BAIAP2L1: variants seen among roughly 807,000 people sequenced by gnomAD.
The protein encoded by BAIAP2L1 is BAR/IMD domain containing adaptor protein 2 like 1.
A neutral mutation model predicts 66.3 loss-of-function variants in BAIAP2L1; 35 were observed. The ratio of observed to expected loss-of-function variants is 0.53; its 90% CI spans 0.40 to 0.70. BAIAP2L1 has a LOEUF of 0.70. BAIAP2L1 is among the 30% of genes least tolerant of loss of function. The pLI is 0.00. For synonymous variants in BAIAP2L1, 269 were observed against 248.7 expected, an observed-to-expected ratio of 1.08 and a Z score of -0.77; for missense variants, 622 against 656.9, an observed-to-expected ratio of 0.95 and a Z score of 0.58.
At chr7:98,338,675 T>C (rs1051438579) in intron 3 of BAIAP2L1, among the ~76,000 whole-genome samples, 3 of 152,174 alleles carry the variant, frequency 2.0e-5, no homozygotes, top group African/African-American at 7.2e-5. Flanking sequence ...TTTTCGTGGG[T>C]AAATAATATT....
chr7:98,371,111 G>A lies in BAIAP2L1; in HGVS notation c.52-8679C>T, dbSNP rs1244931841. Among the ~76,000 whole-genome samples the A allele has an allele frequency of 3.3e-5, 5 of 152,202 alleles. No individual in the cohort carries two copies. The Middle Eastern group carries it at 0.01, about 311-fold the overall frequency. On this transcript the variant is annotated intron_variant, in intron 1 of 13. Coordinates refer to ENST00000005260, the MANE Select transcript of BAIAP2L1 (RefSeq NM_018842.5). ...AATGAACAAATCCATTTTAATTTAA[G>A]TTTGGCACTAAGAATTAAAGGGCTT...
At chr7:98,393,340 C>T (rs1442192622) in intron 1 of BAIAP2L1, among the ~76,000 whole-genome samples, 1 of 150,714 alleles carries the variant, frequency 6.6e-6, no homozygotes, top group Non-Finnish European at 1.5e-5. Context: ...CTGCACCCGG[C>T]CATGAAAGGG....
At chr7:98,322,699 G>C (rs2286074) in intron 3 of BAIAP2L1, among the ~76,000 whole-genome samples, 2 of 151,874 alleles carry the variant, frequency 1.3e-5, no homozygotes, top group Admixed American at 6.6e-5. Context: ...GTGGGCTTTC[G>C]AGGAGGTCCT....
chr7:98,393,293 C>A (rs1327178471), intron 1 of BAIAP2L1, among the ~76,000 whole-genome samples: 2 of 151,858 alleles, frequency 1.3e-5, no homozygotes, highest in Non-Finnish European at 2.9e-5. Flanking sequence ...CCATCCTCCT[C>A]GGCCTCCCAC....
At chr7:98,396,898 G>A (rs576292771) in intron 1 of BAIAP2L1, among the ~76,000 whole-genome samples, 76 of 152,272 alleles carry the variant, frequency 5.0e-4, no homozygotes, top group East Asian at 3.9e-4. Flanking sequence ...AGGGCGCCAG[G>A]AGCCTAGCAA....
At chr7:98,398,888 A>G (rs1032275069) in intron 1 of BAIAP2L1, among the ~76,000 whole-genome samples, 2 of 152,182 alleles carry the variant, frequency 1.3e-5, no homozygotes, top group Admixed American at 6.6e-5. Context: ...TGTTCTTGGA[A>G]GAAGGGCGGA....
chr7:98,388,452 C>A (rs1336363687), intron 1 of BAIAP2L1, among the ~76,000 whole-genome samples: 2 of 152,156 alleles, frequency 1.3e-5, no homozygotes, highest in Non-Finnish European at 2.9e-5. Flanking sequence ...GAGATCGCAC[C>A]ACTGCACTCC....
intron 3 of BAIAP2L1, among the ~76,000 whole-genome samples, chr7:98,333,599 AAAAT>A (rs900167366): frequency 1.3e-5 from 2 of 152,082 alleles, no homozygotes; most frequent in Admixed American, 6.6e-5. Context: ...ACTCTGTCTC[AAAAT>A]AAATAAATAA....
At chr7:98,386,476 C>T in intron 1 of BAIAP2L1, 3 of 1,597,182 alleles carry the variant, frequency 1.9e-6, no homozygotes, top group Admixed American at 1.7e-5. Context: ...CTGAACATAG[C>T]AGGTGCTTTC....
intron 3 of BAIAP2L1, among the ~76,000 whole-genome samples, chr7:98,325,563 A>C (rs1360891791): frequency 1.3e-5 from 2 of 151,964 alleles, no homozygotes; most frequent in Non-Finnish European, 2.9e-5. Flanking sequence ...CTGTAGTCCT[A>C]GCTACTCAGG....
chr7:98,309,971 T>G (rs1353797433), intron 9 of BAIAP2L1: 2 of 156,242 alleles, frequency 1.3e-5, no homozygotes, highest in Non-Finnish European at 1.4e-5. Flanking sequence ...TGCCTCAGCC[T>G]CCCGAGTAGC....
intron 3 of BAIAP2L1, among the ~76,000 whole-genome samples, chr7:98,351,323 G>A (rs1453343244): frequency 6.6e-6 from 1 of 152,190 alleles, no homozygotes; most frequent in Non-Finnish European, 1.5e-5. Context: ...ACTGAAAGTT[G>A]TTGAAAACAG....
chr7:98,398,622 G>A lies in BAIAP2L1; in HGVS notation c.51+2180C>T, dbSNP rs372115974. On this transcript the variant is annotated intron_variant, in intron 1 of 13. Transcript: ENST00000005260. ...TTGATCTCCATTTACAGTGCCTTACGTCTACAAATACGTATAACCAAAATG... is the reference window on the plus strand; with the variant it reads ...TTGATCTCCATTTACAGTGCCTTACATCTACAAATACGTATAACCAAAATG... 2.5e-4 allele frequency among the ~76,000 whole-genome samples: 38 copies of A among 152,198 alleles called. 1 individual carries two copies. The highest frequency in any genetic ancestry group is 8.4e-4 in the African/African-American group (35 of 41,532).
intron 12 of BAIAP2L1, among the ~76,000 whole-genome samples, chr7:98,299,846 G>T (rs1800349069): frequency 6.6e-6 from 1 of 152,024 alleles, no homozygotes; most frequent in Admixed American, 6.6e-5. Flanking sequence ...TTCGAGACCA[G>T]CCTGGCCAAC....
intron 3 of BAIAP2L1, among the ~76,000 whole-genome samples, chr7:98,325,685 A>G (rs1330374338): frequency 6.6e-6 from 1 of 152,130 alleles, no homozygotes; most frequent in Non-Finnish European, 1.5e-5. Context: ...CTCAAAAAAT[A>G]TATACATACA....
intron 3 of BAIAP2L1, among the ~76,000 whole-genome samples, chr7:98,327,597 C>T (rs934811852): frequency 6.6e-6 from 1 of 150,476 alleles, no homozygotes; most frequent in South Asian, 2.1e-4. Context: ...CACTTGAACT[C>T]GGGAGGCAGA....
intron 1 of BAIAP2L1, among the ~76,000 whole-genome samples, chr7:98,375,622 A>C (rs1802607970): frequency 6.8e-6 from 1 of 148,072 alleles, no homozygotes; most frequent in Non-Finnish European, 1.5e-5. Flanking sequence ...GGTGGCAGGC[A>C]CCTATAATCT....
chr7:98,366,840 TCTTTG>T (rs980235096), intron 1 of BAIAP2L1, among the ~76,000 whole-genome samples: 1 of 152,172 alleles, frequency 6.6e-6, no homozygotes, highest in African/African-American at 2.4e-5. Context: ...CTGCTCTTTT[TCTTTG>T]CTTTGCTTTT....
rs1385054943 is a variant in BAIAP2L1 at position 98,293,223 on chromosome 7, A to T, written c.*298T>A. The T allele has an allele frequency of 1.2e-5, 4 of 327,908 alleles. No individual in the cohort carries two copies. Among genetic ancestry groups the T allele is most frequent in the African/African-American group, 6.3e-5 (3 of 47,568 alleles). The allele number at this position is 327,908 out of a possible 1,614,324, so 20.3% of individuals were successfully genotyped here. The stretch of plus-strand genomic sequence containing the variant: ...TTATTCTGGCTGTTATTAAGGAAAA[A>T]ATTCATTTAAAAAATACAGTAAAGA... On this transcript the variant is annotated 3_prime_UTR_variant, in exon 14 of 14. Transcript: ENST00000005260.
Sources: gnomAD v4.1 joint callset for allele counts (sites outside exome capture counted in the v4.1 genomes callset) on GRCh38, gnomAD v4.1.1 for gene constraint, MANE v1.5 for transcripts, NCBI Gene and HGNC (gene_info 2026-07-23, HGNC 2026-07-21) for gene names.